The following TYW1B variants were observed in gnomAD, a reference collection of about 807,000 sequenced individuals.
TYW1B encodes the protein S-adenosyl-L-methionine-dependent tRNA 4-demethylwyosine synthase TYW1B.
In TYW1B, 73 loss-of-function variants were observed where a neutral mutation model predicts 86.9. That is an observed-to-expected ratio of 0.84 (90% CI 0.70 to 1.02). The LOEUF (loss-of-function observed/expected upper bound fraction) is 1.02, where lower values mean the gene tolerates loss of function less well. Among genes scored for constraint, TYW1B ranks in the 50% least tolerant of loss-of-function variants. The pLI is 0.00. For missense variants in TYW1B, 637 were observed against 827.4 expected (o/e 0.77, Z 2.82); for synonymous variants, 248 against 292.8 (o/e 0.85, Z 1.56).
intron 8 of TYW1B, among the ~76,000 whole-genome samples, chr7:72,742,081 C>A (rs1458311098): frequency 6.6e-6 from 1 of 152,086 alleles, no homozygotes; most frequent in Admixed American, 6.6e-5. Context: ...TAGGTAAATA[C>A]AAAAGTCACC....
chr7:72,636,958 C>T (rs568735841), intron 11 of TYW1B, among the ~76,000 whole-genome samples: 1 of 152,184 alleles, frequency 6.6e-6, no homozygotes, highest in Non-Finnish European at 1.5e-5. Context: ...AGGTGGATCA[C>T]CTGAGGTTGG....
intron 11 of TYW1B, among the ~76,000 whole-genome samples, chr7:72,667,046 A>AAAAAAAAAAAAAAAAAAAAC (rs1813481659): frequency 6.7e-6 from 1 of 149,458 alleles, no homozygotes; most frequent in East Asian, 1.9e-4. Flanking sequence ...AAAAAAAAAA[A>AAAAAAAAAAAAAAAAAAAAC]AAAAAGAAAC....
chr7:72,790,387 C>T (rs1788200589), intron 6 of TYW1B, among the ~76,000 whole-genome samples: 1 of 152,028 alleles, frequency 6.6e-6, no homozygotes, highest in Non-Finnish European at 1.5e-5. Context: ...AAGACTGAGC[C>T]CTACCACAGA....
intron 13 of TYW1B, among the ~76,000 whole-genome samples, chr7:72,610,611 G>C (rs1297745723): frequency 6.6e-6 from 1 of 152,108 alleles, no homozygotes; most frequent in Non-Finnish European, 1.5e-5. Flanking sequence ...TGCTGGACCT[G>C]AGGGTTATAA....
At chr7:72,826,817 T>C (rs781978282) in intron 2 of TYW1B, 38 bp downstream of exon 2, 11 of 1,593,416 alleles carry the variant, frequency 6.9e-6, no homozygotes, top group South Asian at 1.1e-5. Flanking sequence ...TAAAATCTGA[T>C]GCCTAAATAC....
At chr7:72,722,489 A>G (rs1371165447) in intron 9 of TYW1B, among the ~76,000 whole-genome samples, 4 of 152,194 alleles carry the variant, frequency 2.6e-5, no homozygotes, top group African/African-American at 4.8e-5. Flanking sequence ...TTGAATAGAC[A>G]CTGAGTGGCA....
At chr7:72,619,677 C>T (rs1459431967) in intron 12 of TYW1B, among the ~76,000 whole-genome samples, 3 of 149,388 alleles carry the variant, frequency 2.0e-5, no homozygotes, top group Non-Finnish European at 3.0e-5. Context: ...GAAATCATTA[C>T]GAAAGCATGG....
chr7:72,769,512 G>C (rs1294610326), intron 7 of TYW1B, among the ~76,000 whole-genome samples: 2 of 152,126 alleles, frequency 1.3e-5, no homozygotes, highest in Non-Finnish European at 2.9e-5. Context: ...TTCCTGTCCT[G>C]CACCACAGAA....
At chr7:72,719,167 T>A (rs570908624) in intron 9 of TYW1B, among the ~76,000 whole-genome samples, 2 of 151,972 alleles carry the variant, frequency 1.3e-5, no homozygotes, top group Admixed American at 6.6e-5. Context: ...TTTTTTTTTT[T>A]AGACAAGGTC....
At chr7:72,773,119 CTCTT>C (rs1441704161) in intron 7 of TYW1B, among the ~76,000 whole-genome samples, 1 of 152,106 alleles carries the variant, frequency 6.6e-6, no homozygotes, top group Non-Finnish European at 1.5e-5. Context: ...CCTCTATTAA[CTCTT>C]TATATTTTTC....
chr7:72,745,020 C>G (rs1405777563), intron 7 of TYW1B, among the ~76,000 whole-genome samples: 3 of 152,144 alleles, frequency 2.0e-5, no homozygotes, highest in Non-Finnish European at 4.4e-5. Flanking sequence ...CCTGGAGTGT[C>G]GTTCTTTTGT....
At chr7:72,823,140 T>G (rs1458620144) in intron 2 of TYW1B, 4 of 152,034 alleles carry the variant, frequency 2.6e-5, no homozygotes, top group Admixed American at 1.3e-4. Context: ...CCCAAGTAGC[T>G]GGAATTACAG....
At chr7:72,612,611 G>C (rs532245471) in intron 13 of TYW1B, among the ~76,000 whole-genome samples, 55 of 152,234 alleles carry the variant, frequency 3.6e-4, no homozygotes, top group African/African-American at 1.3e-3. Flanking sequence ...CACTAACGAG[G>C]GAGATGTGGA....
At chr7:72,671,814 CTTTAA>C (rs1178982110) in intron 11 of TYW1B, among the ~76,000 whole-genome samples, 5 of 145,760 alleles carry the variant, frequency 3.4e-5, no homozygotes, top group Non-Finnish European at 7.5e-5. Flanking sequence ...ACTTTATTAA[CTTTAA>C]TTTCTTTTAA....
chr7:72,807,012 A>G, intron 5 of TYW1B, 54 bp downstream of exon 5: 1 of 1,576,354 alleles, frequency 6.3e-7, no homozygotes, highest in Admixed American at 1.8e-5. Context: ...CTCAAGCTCG[A>G]GATCTCCAAG....
chr7:72,804,222 T>C (rs577097219), intron 5 of TYW1B, among the ~76,000 whole-genome samples: 2 of 147,930 alleles, frequency 1.4e-5, no homozygotes, highest in Non-Finnish European at 3.0e-5. Flanking sequence ...GAGGTGGAGG[T>C]TGCAGTGAGC....
At chr7:72,583,005 G>C (rs192308006) in intron 13 of TYW1B, among the ~76,000 whole-genome samples, 13 of 152,274 alleles carry the variant, frequency 8.5e-5, no homozygotes, top group Non-Finnish European at 1.8e-4. Flanking sequence ...GGGGGAATGG[G>C]AAAGGATATT....
chr7:72,619,568 G>A (rs1364693383), intron 12 of TYW1B, among the ~76,000 whole-genome samples: 2 of 149,250 alleles, frequency 1.3e-5, no homozygotes, highest in Non-Finnish European at 3.0e-5. Context: ...GTGAACCCGG[G>A]AAGCGGAGCT....
At chr7:72,803,542 C>T (rs1788441821) in intron 5 of TYW1B, among the ~76,000 whole-genome samples, 1 of 152,180 alleles carries the variant, frequency 6.6e-6, no homozygotes, top group Non-Finnish European at 1.5e-5. Flanking sequence ...TAAGAAATCA[C>T]GGCTAATACG....
Sources: gnomAD v4.1 joint callset for allele counts (sites outside exome capture counted in the v4.1 genomes callset) on GRCh38, gnomAD v4.1.1 for gene constraint, MANE v1.5 for transcripts, NCBI Gene and HGNC (gene_info 2026-07-23, HGNC 2026-07-21) for gene names.